The following CDK19 variants were observed in gnomAD, a reference collection of about 807,000 sequenced individuals.
CDK19 encodes the protein cyclin-dependent kinase 19.
CDK19 carries 20 observed loss-of-function variants against 68.3 expected under a neutral mutation model. The ratio of observed to expected loss-of-function variants is 0.29; its 90% CI spans 0.21 to 0.43. CDK19 has a LOEUF of 0.43. CDK19 is among the 20% of genes least tolerant of loss of function. CDK19 has a pLI of 1.00. For synonymous variants in CDK19, 221 were observed against 222.8 expected (o/e 0.99, Z 0.07); for missense variants, 339 against 623.5 (o/e 0.54, Z 4.86).
At chr6:110,805,859 A>G (rs1297937057) in intron 1 of CDK19, among the ~76,000 whole-genome samples, 2 of 152,174 alleles carry the variant, frequency 1.3e-5, no homozygotes, top group Non-Finnish European at 1.5e-5. Flanking sequence ...ACTCAGAGAC[A>G]TGCCTTTTCC....
intron 2 of CDK19, among the ~76,000 whole-genome samples, chr6:110,742,880 G>A (rs780178216): frequency 2.0e-5 from 3 of 152,122 alleles, no homozygotes; most frequent in East Asian, 1.9e-4. Context: ...CCCTTGCCTT[G>A]CGATCTTTAT....
At chr6:110,788,210 G>A (rs536337726) in intron 1 of CDK19, among the ~76,000 whole-genome samples, 2 of 151,928 alleles carry the variant, frequency 1.3e-5, no homozygotes, top group Admixed American at 6.6e-5. Flanking sequence ...GCCCAGGCTG[G>A]AGTGAAGTGG....
intron 2 of CDK19, among the ~76,000 whole-genome samples, chr6:110,721,870 C>T (rs553746444): frequency 2.0e-5 from 3 of 152,034 alleles, no homozygotes; most frequent in Non-Finnish European, 4.4e-5. Context: ...AGGCCGAGGC[C>T]GGAGAATCAC....
intron 3 of CDK19, 66 bp downstream of exon 3, chr6:110,670,365 A>G: frequency 1.2e-6 from 1 of 805,216 alleles, no homozygotes; most frequent in South Asian, 1.6e-5. Flanking sequence ...AACAATATGT[A>G]TTTTATATAA....
chr6:110,669,034 A>G (rs532268348), intron 3 of CDK19, among the ~76,000 whole-genome samples: 21 of 152,216 alleles, frequency 1.4e-4, no homozygotes, highest in Non-Finnish European at 2.8e-4. Flanking sequence ...GACTATTCCA[A>G]TGTACAACAT....
intron 2 of CDK19, among the ~76,000 whole-genome samples, chr6:110,704,294 G>A (rs1367745136): frequency 6.6e-6 from 1 of 152,178 alleles, no homozygotes; most frequent in Non-Finnish European, 1.5e-5. Context: ...ACCATGTACT[G>A]TGTATTTTGC....
intron 2 of CDK19, among the ~76,000 whole-genome samples, chr6:110,717,380 C>A (rs1775491519): frequency 6.6e-6 from 1 of 152,054 alleles, no homozygotes; most frequent in Admixed American, 6.6e-5. Flanking sequence ...GCCCTTAGAG[C>A]TGTGGACATA....
chr6:110,679,215 C>A (rs931914835), intron 2 of CDK19, among the ~76,000 whole-genome samples: 9 of 151,940 alleles, frequency 5.9e-5, no homozygotes, highest in Non-Finnish European at 1.3e-4. Flanking sequence ...ACTAGGGAGG[C>A]TGAGGTACGA....
chr6:110,744,685 C>G (rs1298643686), intron 2 of CDK19, among the ~76,000 whole-genome samples: 1 of 152,166 alleles, frequency 6.6e-6, no homozygotes, highest in East Asian at 1.9e-4. Flanking sequence ...GATAAAAAGA[C>G]AAGGTCTGCC....
chr6:110,709,506 TAAA>T (rs35088713), intron 2 of CDK19, among the ~76,000 whole-genome samples: 1 of 142,038 alleles, frequency 7.0e-6, no homozygotes, highest in Non-Finnish European at 1.5e-5. Context: ...AAAGTATAAT[TAAA>T]AAAAAAAAAA....
At chr6:110,707,341 C>CAAACA (rs1454405543) in intron 2 of CDK19, among the ~76,000 whole-genome samples, 2 of 151,550 alleles carry the variant, frequency 1.3e-5, no homozygotes, top group African/African-American at 2.4e-5. Context: ...GTCTCAAAAA[C>CAAACA]AAACAAAACA....
At chr6:110,780,869 T>C (rs73530411) in intron 1 of CDK19, among the ~76,000 whole-genome samples, 2,938 of 152,232 alleles carry the variant, frequency 0.019, 99 homozygotes, top group African/African-American at 0.068. Context: ...TTAGATATAC[T>C]TTTAAAATTT....
intron 1 of CDK19, among the ~76,000 whole-genome samples, chr6:110,778,822 T>C (rs1780599361): frequency 6.6e-6 from 1 of 152,188 alleles, no homozygotes; most frequent in Admixed American, 6.5e-5. Flanking sequence ...CCAAGATAGC[T>C]ACTTAAAGGG....
chr6:110,766,918 G>A (rs866316929), intron 1 of CDK19, among the ~76,000 whole-genome samples: 5 of 151,634 alleles, frequency 3.3e-5, no homozygotes, highest in South Asian at 4.2e-4. Flanking sequence ...GCAGATCACC[G>A]AGGTCAGGAG....
rs1779479850 is a variant in CDK19 at position 110,632,181 on chromosome 6, T to A, written c.515-20A>T. The A allele has an allele frequency of 6.4e-7, 1 of 1,562,652 alleles. No homozygotes were observed. ...TGTCAGCTAAAAAAATAAAATAAAT[T>A]AACATAAAATTCAGTTTGATTGTTT... On this transcript the variant is annotated intron_variant, in intron 5 of 12. Coordinates refer to ENST00000368911, the MANE Select transcript of CDK19 (RefSeq NM_015076.5).
intron 1 of CDK19, among the ~76,000 whole-genome samples, chr6:110,750,325 G>A (rs1450509497): frequency 9.2e-6 from 1 of 109,066 alleles, no homozygotes; most frequent in Non-Finnish European, 2.1e-5. Flanking sequence ...GTTCACTTCA[G>A]TGATGAAGAA....
chr6:110,708,336 A>G (rs963437429), intron 2 of CDK19, among the ~76,000 whole-genome samples: 1 of 151,712 alleles, frequency 6.6e-6, no homozygotes, highest in African/African-American at 2.4e-5. Flanking sequence ...TCTCTATCCT[A>G]CTCCTGAAGG....
intron 2 of CDK19, among the ~76,000 whole-genome samples, chr6:110,693,556 T>C (rs923225963): frequency 3.9e-5 from 6 of 152,194 alleles, no homozygotes; most frequent in Admixed American, 3.3e-4. Flanking sequence ...CTTGGTGCTG[T>C]TAGTGGGGCA....
intron 2 of CDK19, among the ~76,000 whole-genome samples, chr6:110,741,403 A>G (rs969465199): frequency 3.9e-4 from 60 of 152,174 alleles, no homozygotes; most frequent in African/African-American, 1.4e-3. Context: ...TCAAGGCTGC[A>G]GCGAGCATGA....
Sources: allele counts gnomAD v4.1 joint callset (sites outside exome capture counted in the v4.1 genomes callset), GRCh38; gene constraint gnomAD v4.1.1; transcripts MANE v1.5; gene names NCBI Gene and HGNC (gene_info 2026-07-23, HGNC 2026-07-21).